The following SORCS2 variants were observed in gnomAD, a reference collection of about 807,000 sequenced individuals.
The protein encoded by SORCS2 is VPS10 domain-containing receptor SorCS2.
Under a neutral mutation model 141.6 loss-of-function variants are expected in SORCS2, and 100 were observed. The ratio of observed to expected loss-of-function variants is 0.71; its 90% CI spans 0.60 to 0.83. SORCS2 has a LOEUF of 0.83. Ranked by LOEUF, SORCS2 falls within the 40% of genes least tolerant of loss-of-function variation. SORCS2 has a pLI of 0.00. For missense variants in SORCS2, 1,646 were observed against 1,560.2 expected, an observed-to-expected ratio of 1.05 and a Z score of -0.93; for synonymous variants, 789 against 676.9, an observed-to-expected ratio of 1.17 and a Z score of -2.57.
Position 7,368,064 on chromosome 4 carries a change from A to G in SORCS2, c.481-28224A>G, listed in dbSNP as rs145001443. On this transcript the variant is annotated intron_variant, in intron 1 of 26. Coordinates refer to ENST00000507866, the MANE Select transcript of SORCS2 (RefSeq NM_020777.3). ...AAATACCATAAGCTCCTTTTTTTACAGAGGACTTACCACCCTCACTCCACC... is the reference window on the plus strand; with the variant it reads ...AAATACCATAAGCTCCTTTTTTTACGGAGGACTTACCACCCTCACTCCACC... Among the ~76,000 whole-genome samples, 96 of 152,282 alleles carry G rather than the reference A, an allele frequency of 6.3e-4. 2 individuals carry two copies. The East Asian group carries it at 0.013, about 21-fold the overall frequency.
At chr4:7,243,087 C>T (rs1255327173) in intron 1 of SORCS2, among the ~76,000 whole-genome samples, 16 of 152,262 alleles carry the variant, frequency 1.1e-4, no homozygotes, top group Admixed American at 3.9e-4. Flanking sequence ...GGTGCTGACC[C>T]CACCCCACAG....
chr4:7,715,350 G>A lies in SORCS2; in HGVS notation c.2252+39G>A, dbSNP rs1292126359. On this transcript the variant is annotated intron_variant, in intron 17 of 26. Transcript: ENST00000507866. ...CGGGCCTCTCCCTGCCTAAATCCGG[G>A]GGCAGAGCTGTGGTGCAGCCCCGAA... The A allele has an allele frequency of 3.7e-6, 6 of 1,607,884 alleles. No individual in the cohort carries two copies. In the African/African-American group the frequency reaches 8.0e-5, roughly 21 times the overall value.
At chr4:7,654,707 C>T (rs1299192963) in intron 5 of SORCS2, among the ~76,000 whole-genome samples, 3 of 152,194 alleles carry the variant, frequency 2.0e-5, no homozygotes, top group Non-Finnish European at 4.4e-5. Flanking sequence ...CACACCTGGG[C>T]CCCCCTTCCA....
chr4:7,619,185 C>T (rs531883592), intron 3 of SORCS2, among the ~76,000 whole-genome samples: 28 of 152,274 alleles, frequency 1.8e-4, no homozygotes, highest in South Asian at 1.2e-3. Flanking sequence ...GTGTGCCACT[C>T]GGCACCTGGC....
intron 2 of SORCS2, among the ~76,000 whole-genome samples, chr4:7,438,748 A>C (rs777471380): frequency 6.6e-6 from 1 of 151,948 alleles, no homozygotes; most frequent in East Asian, 1.9e-4. Flanking sequence ...TTAATAGACT[A>C]TAATCCAACA....
chr4:7,286,991 C>T lies in SORCS2; in HGVS notation c.480+93865C>T, dbSNP rs567280435. ...CTTCTTGCATCAGGTGGCTGCAGCC[C>T]GGCCTGGGAGTTGCCTCCTCCTCCA... On this transcript the variant is annotated intron_variant, in intron 1 of 26. Transcript: ENST00000507866. This position sits in a 1 kb window ranked among gnomAD's most constrained non-coding sequence, Gnocchi z 4.1. Among the ~76,000 whole-genome samples the T allele has an allele frequency of 5.3e-4, 81 of 152,324 alleles. 1 individual carries two copies. In the South Asian group the frequency reaches 0.013, roughly 25 times the overall value.
chr4:7,433,987 A>C, intron 2 of SORCS2: 1 of 1,613,790 alleles, frequency 6.2e-7, no homozygotes, highest in Non-Finnish European at 8.5e-7. Context: ...CACCACGTTC[A>C]TGCACACCTC....
At chr4:7,618,752 T>C (rs1243244940) in intron 3 of SORCS2, among the ~76,000 whole-genome samples, 2 of 152,176 alleles carry the variant, frequency 1.3e-5, no homozygotes, top group African/African-American at 4.8e-5. Flanking sequence ...TTGCATCTTA[T>C]TACCTTGCTT....
At chr4:7,356,691 C>T (rs761338391) in intron 1 of SORCS2, among the ~76,000 whole-genome samples, 1 of 152,246 alleles carries the variant, frequency 6.6e-6, no homozygotes, top group Non-Finnish European at 1.5e-5. Context: ...ATCCAGTCTG[C>T]AGCAGCCCCT....
chr4:7,209,907 G>A (rs374170893), intron 1 of SORCS2, among the ~76,000 whole-genome samples: 16 of 152,210 alleles, frequency 1.1e-4, no homozygotes, highest in Middle Eastern at 3.2e-3. Flanking sequence ...GTGAGCTATG[G>A]CTCTGGGCCA....
chr4:7,719,948 C>G (rs1414068976), intron 18 of SORCS2, among the ~76,000 whole-genome samples: 1 of 152,156 alleles, frequency 6.6e-6, no homozygotes, highest in African/African-American at 2.4e-5. Context: ...CACTGTGCAC[C>G]TACTGTCGGG....
At chr4:7,646,346 C>T (rs1251249109) in intron 4 of SORCS2, among the ~76,000 whole-genome samples, 2 of 152,200 alleles carry the variant, frequency 1.3e-5, no homozygotes, top group African/African-American at 2.4e-5. Flanking sequence ...TTGTGTCCCC[C>T]AAAATTCCTA....
intron 1 of SORCS2, among the ~76,000 whole-genome samples, chr4:7,302,435 A>C (rs1717492984): frequency 6.6e-6 from 1 of 152,164 alleles, no homozygotes; most frequent in African/African-American, 2.4e-5. Flanking sequence ...TGTACTTGCC[A>C]CTTCGTCTGC....
At position 7,434,455 on chromosome 4, in the gene SORCS2, G is replaced by A. The variant is rs201776267; in HGVS notation, c.548+38100G>A. The A allele has an allele frequency of 8.0e-5, 129 of 1,610,674 alleles. No individual in the cohort carries two copies. In the African/African-American group the frequency reaches 1.4e-3, roughly 18 times the overall value. On this transcript the variant is annotated intron_variant, in intron 2 of 26. Transcript: ENST00000507866. ...CAGGGTGGCCAGGTGCCTCTGCAGCGGCTCACAGAGGCTGAGCGCTGTGCA... is the reference window on the plus strand; with the variant it reads ...CAGGGTGGCCAGGTGCCTCTGCAGCAGCTCACAGAGGCTGAGCGCTGTGCA...
intron 4 of SORCS2, among the ~76,000 whole-genome samples, chr4:7,649,361 G>T (rs1577895150): frequency 1.3e-5 from 2 of 150,338 alleles, no homozygotes; most frequent in South Asian, 4.3e-4. Context: ...GTATCGGGGG[G>T]GCTGTGTACC....
intron 1 of SORCS2, among the ~76,000 whole-genome samples, chr4:7,273,474 C>T (rs912581262): frequency 3.3e-5 from 5 of 152,168 alleles, no homozygotes; most frequent in African/African-American, 1.2e-4. Context: ...AGACTGTCTC[C>T]ATGGCCAGAA....
intron 1 of SORCS2, among the ~76,000 whole-genome samples, chr4:7,380,188 C>A (rs1055432102): frequency 2.6e-5 from 4 of 152,208 alleles, no homozygotes; most frequent in Non-Finnish European, 5.9e-5. Flanking sequence ...GGTTTGGGGG[C>A]TTACCTGGAG....
rs1301466606 is a variant in SORCS2, at chr4:7,726,649, A to C, written c.2746-131A>C. On this transcript the variant is annotated intron_variant, in intron 20 of 26. Coordinates refer to ENST00000507866, the MANE Select transcript of SORCS2 (RefSeq NM_020777.3). ...TGGGTGCTGCCACCACAGGATGTCC[A>C]TAATGGGCCCATTTGCTGATGGGAA... The C allele has an allele frequency of 5.7e-6, 7 of 1,231,188 alleles. No homozygotes were observed. In the South Asian group the frequency reaches 6.2e-5, roughly 11 times the overall value. 76.3% of individuals were successfully genotyped at this position (1,231,188 alleles called of 1,614,324 possible).
At chr4:7,591,566 T>A in intron 3 of SORCS2, among the ~76,000 whole-genome samples, 1 of 152,062 alleles carries the variant, frequency 6.6e-6, no homozygotes, top group Non-Finnish European at 1.5e-5. Context: ...CTCTCCCGGG[T>A]GGTCACGGGG....
Sources: gnomAD v4.1 joint callset for allele counts (sites outside exome capture counted in the v4.1 genomes callset) on GRCh38, gnomAD v4.1.1 for gene constraint, Gnocchi (gnomAD v3.1) non-coding constraint, MANE v1.5 for transcripts, NCBI Gene and HGNC (gene_info 2026-07-23, HGNC 2026-07-21) for gene names.